GSE1: variants seen among roughly 807,000 people sequenced by gnomAD.
GSE1 encodes the protein Gse1 coiled-coil protein, also known as genetic suppressor element 1.
GSE1 carries 32 observed loss-of-function variants against 112.6 expected under a neutral mutation model. The observed-to-expected ratio is 0.28, with a 90% CI of 0.21 to 0.38. The LOEUF (loss-of-function observed/expected upper bound fraction) is 0.38. Among genes scored for constraint, GSE1 ranks in the 10% least tolerant of loss-of-function variants. The probability of loss-of-function intolerance (pLI) is 1.00; values close to 1 mark genes in which losing one functional copy is unlikely to be tolerated. For missense variants in GSE1, 2,348 were observed against 1,699.2 expected, an observed-to-expected ratio of 1.38 and a Z score of -6.71; for synonymous variants, 1,115 against 735.6, an observed-to-expected ratio of 1.52 and a Z score of -8.35.
intron 2 of GSE1, among the ~76,000 whole-genome samples, chr16:85,535,869 C>T (rs768688309): frequency 3.3e-5 from 5 of 152,232 alleles, no homozygotes; most frequent in African/African-American, 9.6e-5. Flanking sequence ...CTGTCCTGTC[C>T]GGCCCTACCT....
chr16:85,338,724 G>T (rs1029365429), intron 1 of GSE1, among the ~76,000 whole-genome samples: 1 of 152,198 alleles, frequency 6.6e-6, no homozygotes, highest in Non-Finnish European at 1.5e-5. Flanking sequence ...GAGGTAGCTA[G>T]TAGGTACTGT....
chr16:85,617,812 G>T (rs528434006), intron 1 of GSE1, among the ~76,000 whole-genome samples: 1 of 152,018 alleles, frequency 6.6e-6, no homozygotes, highest in Non-Finnish European at 1.5e-5. Flanking sequence ...GGAGACCTGG[G>T]GTCTCTCTTC....
At chr16:85,483,663 C>T (rs555760353) in intron 2 of GSE1, among the ~76,000 whole-genome samples, 1 of 152,366 alleles carries the variant, frequency 6.6e-6, no homozygotes, top group South Asian at 2.1e-4. Context: ...GCCTCCTGGC[C>T]GCACACCTGA....
intron 1 of GSE1, among the ~76,000 whole-genome samples, chr16:85,318,780 C>T (rs1197214677): frequency 2.6e-5 from 4 of 152,194 alleles, no homozygotes; most frequent in African/African-American, 7.2e-5. Context: ...TTCTCACCCC[C>T]AATGACTCCC....
At chr16:85,316,718 C>G (rs1015890897) in intron 1 of GSE1, among the ~76,000 whole-genome samples, 1 of 152,232 alleles carries the variant, frequency 6.6e-6, no homozygotes, top group Non-Finnish European at 1.5e-5. Context: ...AGTCCCAACC[C>G]CCATGGGGCT....
At chr16:85,641,102 G>A (rs980298148) in intron 2 of GSE1, among the ~76,000 whole-genome samples, 4 of 152,348 alleles carry the variant, frequency 2.6e-5, no homozygotes, top group Non-Finnish European at 4.4e-5. Flanking sequence ...CCCTAGCCAC[G>A]TGGACATAAG....
chr16:85,670,034 T>A (rs2053202312), intron 14 of GSE1, among the ~76,000 whole-genome samples: 1 of 152,244 alleles, frequency 6.6e-6, no homozygotes, highest in South Asian at 2.1e-4. Flanking sequence ...GATTTTCAGT[T>A]GCATTGAATT....
intron 2 of GSE1, chr16:85,357,743 C>G: frequency 1.4e-6 from 1 of 711,228 alleles, no homozygotes; most frequent in Non-Finnish European, 2.1e-6. Flanking sequence ...TACAGTTCCG[C>G]CTTGTGTCCT....
intron 1 of GSE1, among the ~76,000 whole-genome samples, chr16:85,354,709 A>G (rs996475874): frequency 1.3e-5 from 2 of 152,190 alleles, no homozygotes; most frequent in Admixed American, 6.5e-5. Flanking sequence ...GCGGCCCAGC[A>G]TGACCGGGTG....
At chr16:85,324,285 G>A (rs1367164788) in intron 1 of GSE1, among the ~76,000 whole-genome samples, 2 of 152,206 alleles carry the variant, frequency 1.3e-5, no homozygotes, top group Non-Finnish European at 2.9e-5. Flanking sequence ...TGAGGCAGGT[G>A]GATCACCTGG....
At position 85,666,225 on chromosome 16, in the gene GSE1, C is replaced by T. The variant is rs148102403; in HGVS notation, c.3008C>T (p.Pro1003Leu). 1.1e-4 allele frequency: 171 copies of T among 1,613,730 alleles called. No homozygotes were observed. Among genetic ancestry groups the T allele is most frequent in the Middle Eastern group, 1.6e-4 (1 of 6,062 alleles). Residue 1003 changes from proline (P) to leucine (L), a missense_variant, in exon 13 of 16, where the codon CCG becomes CTG. Coordinates refer to ENST00000253458, the MANE Select transcript of GSE1 (RefSeq NM_014615.5). ...GCTGCACCCAAGGACATTCCTGTGCCGCTGTCCCACAGCACCAATGGGAAG... is the reference window on the plus strand; with the variant it reads ...GCTGCACCCAAGGACATTCCTGTGCTGCTGTCCCACAGCACCAATGGGAAG... Reference protein sequence around the residue: ...RGAAPKDIPVPLSHSTNGKSK... With the variant: ...RGAAPKDIPVLLSHSTNGKSK...
intron 1 of GSE1, among the ~76,000 whole-genome samples, chr16:85,214,179 C>T (rs573671316): frequency 5.3e-5 from 8 of 152,302 alleles, no homozygotes; most frequent in East Asian, 1.9e-4. Context: ...GGGCGGCCTC[C>T]GCTCACCCAC....
rs190912819 is a variant in GSE1, at chr16:85,226,070, G to C, written c.2283+54263G>C. Among the ~76,000 whole-genome samples the C allele has an allele frequency of 4.1e-3, 631 of 152,296 alleles. 3 individuals carry two copies. The highest frequency in any genetic ancestry group is 4.7e-3 in the Non-Finnish European group (318 of 68,024). ...TGGTTTCCCCCTAAGCAAGGTGGAT[G>C]CTGCAGTGCCCCTGATAGCCTGGTC... On this transcript the variant is annotated intron_variant, in intron 1 of 2. Transcript: ENST00000637419.
intron 2 of GSE1, among the ~76,000 whole-genome samples, chr16:85,511,434 A>G (rs1477859082): frequency 6.6e-6 from 1 of 151,802 alleles, no homozygotes; most frequent in Non-Finnish European, 1.5e-5. Context: ...AGGCTGAGGC[A>G]GGAGAATCGC....
chr16:85,235,684 C>T (rs930918289), intron 1 of GSE1, among the ~76,000 whole-genome samples: 3 of 151,846 alleles, frequency 2.0e-5, no homozygotes, highest in Non-Finnish European at 4.4e-5. Flanking sequence ...CCGTCCCCTC[C>T]CCCAGACCAT....
At chr16:85,420,016 C>A (rs1429205224) in intron 2 of GSE1, among the ~76,000 whole-genome samples, 1 of 152,206 alleles carries the variant, frequency 6.6e-6, no homozygotes, top group Non-Finnish European at 1.5e-5. Flanking sequence ...ACATCGGGGC[C>A]AGGGATGCTG....
At chr16:85,396,087 T>G (rs574182661) in intron 2 of GSE1, among the ~76,000 whole-genome samples, 71 of 152,350 alleles carry the variant, frequency 4.7e-4, no homozygotes, top group African/African-American at 1.5e-3. Context: ...CAGCCCCAAG[T>G]GGCCTGTTTC....
Position 85,235,569 on chromosome 16 carries a change from GTGT to G in GSE1, c.2283+63763_2283+63765del, listed in dbSNP as rs1210139669. ...GGTGATAAAGGGACTATATGTGTGTGTGTGGGTGGGGGGGGGGCGCGTGTTCTC... is the reference window on the plus strand; with the variant it reads ...GGTGATAAAGGGACTATATGTGTGTGGGGTGGGGGGGGGGCGCGTGTTCTC... On this transcript the variant is annotated intron_variant, in intron 1 of 2. Coordinates refer to the GSE1 transcript ENST00000637419. 1.9e-4 allele frequency among the ~76,000 whole-genome samples: 11 copies of G among 57,410 alleles called. No individual in the cohort carries two copies. The South Asian group carries it at 3.1e-3, about 16-fold the overall frequency. 37.7% of individuals were successfully genotyped at this position (57,410 alleles called of 152,430 possible). A position where few individuals can be genotyped will look rare whatever the true frequency, so the allele number is the denominator to read the frequency against.
In GSE1 at chr16:85,376,967, G is replaced by A. The variant is rs561216931; in HGVS notation, c.2464+19324G>A. Reference sequence around the variant, plus strand: ...TGTGCAGGTTGCACGCTGTGCAGTCGCGGGTGGCCGTTTGGCCAGAGTTGC... The same window carrying A: ...TGTGCAGGTTGCACGCTGTGCAGTCACGGGTGGCCGTTTGGCCAGAGTTGC... On this transcript the variant is annotated intron_variant, in intron 2 of 2. Coordinates refer to the GSE1 transcript ENST00000637419. 1.8e-4 allele frequency among the ~76,000 whole-genome samples: 28 copies of A among 152,364 alleles called. 1 individual carries two copies. In the East Asian group the frequency reaches 4.8e-3, roughly 26 times the overall value.
Sources: allele counts gnomAD v4.1 joint callset (sites outside exome capture counted in the v4.1 genomes callset), GRCh38; gene constraint gnomAD v4.1.1; transcripts MANE v1.5; gene names NCBI Gene and HGNC (gene_info 2026-07-23, HGNC 2026-07-21).